Variants in ZNF69 observed in about 807,000 individuals in gnomAD.
ZNF69 encodes ZNF3.
Under a neutral mutation model 50.9 loss-of-function variants are expected in ZNF69, and 47 were observed. The ratio of observed to expected loss-of-function variants is 0.92; its 90% CI spans 0.73 to 1.18. ZNF69 has a LOEUF of 1.18. Among genes scored for constraint, ZNF69 ranks in the 50% most tolerant of loss-of-function variants. The pLI is 0.00. For synonymous variants in ZNF69, 216 were observed against 223.1 expected (o/e 0.97, Z 0.29); for missense variants, 717 against 675.1 (o/e 1.06, Z -0.69).
intron 1 of ZNF69, among the ~76,000 whole-genome samples, chr19:11,894,911 C>G (rs539786105): frequency 6.6e-6 from 1 of 152,166 alleles, no homozygotes; most frequent in African/African-American, 2.4e-5. Context: ...CCCACCCCAA[C>G]GGGGTGGACC....
chr19:11,977,268 G>A, the ZNF69 span: 1 of 1,602,708 alleles, frequency 6.2e-7, no homozygotes, highest in Non-Finnish European at 8.5e-7. Flanking sequence ...ATACTTTGAT[G>A]AATAAATGAG....
At chr19:11,892,864 C>T (rs1977130145) in intron 1 of ZNF69, among the ~76,000 whole-genome samples, 1 of 152,108 alleles carries the variant, frequency 6.6e-6, no homozygotes, top group African/African-American at 2.4e-5. Flanking sequence ...TGTTTTGAGA[C>T]AACTCTGTGG....
At chr19:11,978,145 T>G in the ZNF69 span, 5 of 1,613,214 alleles carry the variant, frequency 3.1e-6, no homozygotes, top group Non-Finnish European at 4.2e-6. Flanking sequence ...GTCAATGAAA[T>G]TAAAGAAGAC....
the ZNF69 span, chr19:11,948,917 G>T: frequency 6.2e-7 from 1 of 1,606,750 alleles, no homozygotes; most frequent in Non-Finnish European, 8.5e-7. Context: ...AGACATGAAA[G>T]AAGTCACATG....
chr19:11,977,019 C>T, the ZNF69 span: 10 of 1,613,882 alleles, frequency 6.2e-6, no homozygotes, highest in Admixed American at 1.2e-4. Context: ...GCCTCCTCTA[C>T]ACATGTGAGA....
the ZNF69 span, among the ~76,000 whole-genome samples, chr19:11,966,126 C>T: frequency 6.6e-6 from 1 of 152,164 alleles, no homozygotes; most frequent in Admixed American, 6.5e-5. Context: ...CCTTACCTTG[C>T]GTGGCCTTAG....
intron 1 of ZNF69, among the ~76,000 whole-genome samples, chr19:11,889,016 G>A (rs1395214299): frequency 6.6e-6 from 1 of 152,100 alleles, no homozygotes; most frequent in Admixed American, 6.6e-5. Flanking sequence ...ACCTGTGGAA[G>A]GGGGGTTAGA....
chr19:11,966,286 T>C, the ZNF69 span, among the ~76,000 whole-genome samples: 1 of 152,310 alleles, frequency 6.6e-6, no homozygotes. Flanking sequence ...TGCCATCCTG[T>C]CATACAGAGG....
Position 11,887,796 on chromosome 19 carries a change from C to G in ZNF69, c.-128C>G, listed in dbSNP as rs1275983434. On this transcript the variant is annotated 5_prime_UTR_variant, in exon 1 of 4. Transcript: ENST00000429654. The stretch of plus-strand genomic sequence containing the variant: ...GGTCCCTGCCCACTGTTCCTCCAGA[C>G]ACTGAGGGGGTCGCATTCCTTACCT... 2 of 670,680 alleles carry G rather than the reference C, an allele frequency of 3.0e-6. No homozygotes were observed. The highest frequency in any genetic ancestry group is 5.0e-6 in the Non-Finnish European group (2 of 403,874). The allele number at this position is 670,680 out of a possible 1,614,324, so 41.5% of individuals were successfully genotyped here. A position where few individuals can be genotyped will look rare whatever the true frequency, so the allele number is the denominator to read the frequency against.
Position 11,905,099 on chromosome 19 carries a change from A to T in ZNF69, c.702A>T (p.Leu234Phe), listed in dbSNP as rs767005342. 1 of 1,614,162 alleles carries T rather than the reference A, an allele frequency of 6.2e-7. No homozygotes were observed. The highest frequency in any genetic ancestry group is 8.5e-7 in the Non-Finnish European group (1 of 1,180,032). ...GGAAAGCCTTCCATTGTCTCAGTTT[A>T]TATCTTATCCATGAAAGAATTCACA... The part of the protein sequence containing the change: ...FCGKAFHCLS[L>F]YLIHERIHTG... The change falls in exon 4 of 4, where the codon TTA becomes TTT. Residue 234 changes from leucine (L) to phenylalanine (F), a missense_variant. By Grantham distance (22) the Leu-to-Phe change is conservative. Transcript: ENST00000429654.
intron 1 of ZNF69, among the ~76,000 whole-genome samples, chr19:11,896,898 C>T (rs1348198322): frequency 6.6e-6 from 1 of 152,050 alleles, no homozygotes; most frequent in African/African-American, 2.4e-5. Context: ...ATTTCAGAAA[C>T]GTTACATCAT....
chr19:11,956,215 G>A, the ZNF69 span, among the ~76,000 whole-genome samples: 10,690 of 152,136 alleles, frequency 0.07, 909 homozygotes, highest in African/African-American at 0.2. Flanking sequence ...TGTAAGGAGG[G>A]GTAGTGGTAT....
chr19:11,945,729 G>A, the ZNF69 span, among the ~76,000 whole-genome samples: 23 of 152,178 alleles, frequency 1.5e-4, no homozygotes, highest in East Asian at 3.9e-3. Context: ...CTGGGGGACA[G>A]TAAGGGCCAT....
chr19:11,942,323 A>C, the ZNF69 span, among the ~76,000 whole-genome samples: 1 of 151,942 alleles, frequency 6.6e-6, no homozygotes, highest in East Asian at 1.9e-4. Context: ...TTTTCAAGGA[A>C]ACACAGCCTC....
the ZNF69 span, chr19:11,950,093 T>C: frequency 1.4e-5 from 22 of 1,614,108 alleles, no homozygotes; most frequent in Non-Finnish European, 1.9e-5. Context: ...TCTGCCAAGA[T>C]TCTTCAAATA....
chr19:11,937,376 C>A, the ZNF69 span, among the ~76,000 whole-genome samples: 1 of 152,048 alleles, frequency 6.6e-6, no homozygotes, highest in East Asian at 1.9e-4. Flanking sequence ...CGGGGTCTCC[C>A]TATGTTGCCC....
the ZNF69 span, chr19:11,965,340 T>C: frequency 7.6e-7 from 1 of 1,319,460 alleles, no homozygotes; most frequent in East Asian, 2.5e-5. Flanking sequence ...CTCCTGGAGC[T>C]GCTCGGCCCT....
At chr19:11,941,588 G>A in the ZNF69 span, among the ~76,000 whole-genome samples, 14 of 152,198 alleles carry the variant, frequency 9.2e-5, no homozygotes, top group South Asian at 6.2e-4. Context: ...CGGCTGCTCC[G>A]AGTGCGGGGC....
At chr19:11,925,918 A>G in the ZNF69 span, among the ~76,000 whole-genome samples, 2 of 152,162 alleles carry the variant, frequency 1.3e-5, no homozygotes, top group Non-Finnish European at 2.9e-5. Context: ...GAGAGACAGG[A>G]ATTGCAGGGA....
Sources: gnomAD v4.1 joint callset for allele counts (sites outside exome capture counted in the v4.1 genomes callset) on GRCh38, gnomAD v4.1.1 for gene constraint, MANE v1.5 for transcripts, NCBI Gene and HGNC (gene_info 2026-07-23, HGNC 2026-07-21) for gene names.